Variants in CFAP54 observed in about 807,000 individuals in gnomAD.
CFAP54 encodes cilia and flagella associated protein 54.
A neutral mutation model predicts 370.4 loss-of-function variants in CFAP54; 290 were observed. The observed-to-expected ratio is 0.78, with a 90% confidence interval of 0.71 to 0.86. The LOEUF is 0.86. Among genes scored for constraint, CFAP54 ranks in the 40% least tolerant of loss-of-function variants. CFAP54 has a pLI of 0.00. For missense variants in CFAP54, 3,399 were observed against 3,528.7 expected, an observed-to-expected ratio of 0.96 and a Z score of 0.93; for synonymous variants, 1,206 against 1,236.5, an observed-to-expected ratio of 0.98 and a Z score of 0.52.
At position 96,684,598 on chromosome 12, in the gene CFAP54, AT is replaced by A. The variant is rs766724903; in HGVS notation, c.5717-49del. The A allele has an allele frequency of 1.5e-5, 22 of 1,487,850 alleles. No homozygotes were observed. The Admixed American group carries it at 2.4e-4, about 16-fold the overall frequency. The allele number at this position is 1,487,850 out of a possible 1,614,324, so 92.2% of individuals were successfully genotyped here. A position where few individuals can be genotyped will look rare whatever the true frequency, so the allele number is the denominator to read the frequency against. ...AAAAAATTCTTGCAAATATAAAAAA[AT>A]ATTTTTCTAGGAACTGACATTTGTT... On this transcript the variant is annotated intron_variant, in intron 40 of 67. Coordinates refer to ENST00000524981, the MANE Select transcript of CFAP54 (RefSeq NM_001306084.2).
At chr12:96,774,770 C>A (rs1380698171) in intron 60 of CFAP54, among the ~76,000 whole-genome samples, 1 of 152,068 alleles carries the variant, frequency 6.6e-6, no homozygotes, top group East Asian at 1.9e-4. Flanking sequence ...TAGTTCACAT[C>A]CCTTAGGGTG....
Position 96,651,719 on chromosome 12 carries a change from A to G in CFAP54, c.5004A>G (p.Gln1668=), listed in dbSNP as rs2136504067. Residue 1668 remains glutamine, a synonymous_variant, in exon 36 of 68, where the codon CAA becomes CAG. Transcript: ENST00000524981. The stretch of plus-strand genomic sequence containing the variant: ...TTGATAAAACATTTCCTATTAGCCA[A>G]GATGGTTTCCTCTGCACCTCTGTTT... ...VDLDKTFPIS[Q]DGFLCTSVLP... 1.2e-6 allele frequency: 2 copies of G among 1,614,020 alleles called. No homozygotes were observed. Among genetic ancestry groups the G allele is most frequent in the East Asian group, 2.2e-5 (1 of 44,874 alleles).
chr12:96,549,304 A>G (rs1955671333), intron 15 of CFAP54, among the ~76,000 whole-genome samples: 1 of 152,242 alleles, frequency 6.6e-6, no homozygotes, highest in Non-Finnish European at 1.5e-5. Flanking sequence ...TTTTCTGGCA[A>G]TTAAAACCAC....
chr12:96,775,195 C>T (rs1211299085), intron 60 of CFAP54, among the ~76,000 whole-genome samples: 3 of 151,998 alleles, frequency 2.0e-5, no homozygotes, highest in South Asian at 2.1e-4. Flanking sequence ...TTTGGGAAGC[C>T]GAGGTGGGCA....
At chr12:96,742,784 T>A (rs1388593197) in intron 52 of CFAP54, among the ~76,000 whole-genome samples, 198 bp downstream of exon 52, 1 of 152,190 alleles carries the variant, frequency 6.6e-6, no homozygotes, top group Non-Finnish European at 1.5e-5. Flanking sequence ...GGCTTATATC[T>A]TACTAATGTA....
chr12:96,717,373 AG>A (rs1374099252), intron 48 of CFAP54, among the ~76,000 whole-genome samples: 5 of 152,208 alleles, frequency 3.3e-5, no homozygotes, highest in Admixed American at 1.3e-4. Flanking sequence ...CTCATAATTT[AG>A]GAGACTAGCC....
At chr12:96,684,384 G>A (rs1957302282) in intron 40 of CFAP54, among the ~76,000 whole-genome samples, 2 of 152,010 alleles carry the variant, frequency 1.3e-5, no homozygotes, top group Non-Finnish European at 2.9e-5. Flanking sequence ...CTCTTCTCCT[G>A]TCTCTACCTG....
At chr12:96,722,897 A>G (rs930675035) in intron 50 of CFAP54, among the ~76,000 whole-genome samples, 3 of 152,166 alleles carry the variant, frequency 2.0e-5, no homozygotes, top group African/African-American at 7.2e-5. Flanking sequence ...ATTAACTGAA[A>G]TGGGGAGGTT....
At chr12:96,550,871 C>T (rs531030199) in intron 15 of CFAP54, among the ~76,000 whole-genome samples, 2 of 152,206 alleles carry the variant, frequency 1.3e-5, no homozygotes, top group East Asian at 3.9e-4. Context: ...CATCCAGGGA[C>T]AAGAGATGAG....
At chr12:96,670,148 T>A (rs1298550114) in intron 39 of CFAP54, among the ~76,000 whole-genome samples, 1 of 151,196 alleles carries the variant, frequency 6.6e-6, no homozygotes, top group Non-Finnish European at 1.5e-5. Context: ...TGTTATCTTC[T>A]AGGAGTGTAT....
At chr12:96,575,597 C>T (rs1013315093) in intron 19 of CFAP54, among the ~76,000 whole-genome samples, 3 of 152,062 alleles carry the variant, frequency 2.0e-5, no homozygotes, top group Non-Finnish European at 4.4e-5. Context: ...TACTCTGTTC[C>T]AAACACTAAG....
intron 67 of CFAP54, among the ~76,000 whole-genome samples, chr12:96,867,636 T>C (rs1184074725): frequency 1.3e-5 from 2 of 152,166 alleles, no homozygotes; most frequent in African/African-American, 2.4e-5. Context: ...GAGGACATTA[T>C]GCTAAGTTAA....
At chr12:96,545,547 C>T (rs1191509276) in intron 14 of CFAP54, among the ~76,000 whole-genome samples, 6 of 152,092 alleles carry the variant, frequency 3.9e-5, no homozygotes, top group Admixed American at 1.3e-4. Context: ...CTCATCAGTC[C>T]GTTAACCTGT....
intron 3 of CFAP54, among the ~76,000 whole-genome samples, chr12:96,505,966 T>A (rs773891315): frequency 1.3e-5 from 2 of 152,198 alleles, no homozygotes; most frequent in Non-Finnish European, 2.9e-5. Context: ...GAAACATTTG[T>A]TGAGTGAATT....
chr12:96,643,988 C>T (rs1309216130), intron 32 of CFAP54, among the ~76,000 whole-genome samples, 190 bp from the exon 33 acceptor site: 1 of 152,072 alleles, frequency 6.6e-6, no homozygotes, highest in Non-Finnish European at 1.5e-5. Flanking sequence ...TGGTGCTTAT[C>T]CCTGTGCCTT....
rs1259115900 is a variant in CFAP54, at chr12:96,679,714, G to C, written c.5678G>C (p.Ser1893Thr). 6.2e-7 allele frequency: 1 copy of C among 1,612,952 alleles called. No homozygotes were observed. The highest frequency in any genetic ancestry group is 1.7e-5 in the Admixed American group (1 of 59,886). ...SKYHNRSIRH[S>T]RKLLSLFLAQ... ...TACCATAACAGATCAATCCGACACA[G>C]CAGAAAGTTGCTTTCATTATTTCTT... Residue 1893 changes from serine (S) to threonine (T), a missense_variant, in exon 40 of 68, where the codon AGC becomes ACC. Coordinates refer to ENST00000524981, the MANE Select transcript of CFAP54 (RefSeq NM_001306084.2).
intron 50 of CFAP54, among the ~76,000 whole-genome samples, chr12:96,724,843 A>G (rs1349631114): frequency 2.0e-5 from 3 of 152,072 alleles, no homozygotes; most frequent in African/African-American, 7.2e-5. Flanking sequence ...ATCTTGAATT[A>G]ATTTTTGTAT....
At chr12:96,655,031 C>CAA (rs11413534) in intron 36 of CFAP54, among the ~76,000 whole-genome samples, 1 of 151,118 alleles carries the variant, frequency 6.6e-6, no homozygotes, top group Admixed American at 6.6e-5. Flanking sequence ...TGTGAATGGC[C>CAA]AAAAAAATTT....
chr12:96,846,994 C>T (rs979333319), intron 66 of CFAP54, among the ~76,000 whole-genome samples: 4 of 152,134 alleles, frequency 2.6e-5, no homozygotes, highest in African/African-American at 9.7e-5. Flanking sequence ...GTGAGACTTC[C>T]CTCACTTCAG....
Sources: gnomAD v4.1 joint callset for allele counts (sites outside exome capture counted in the v4.1 genomes callset) on GRCh38, gnomAD v4.1.1 for gene constraint, MANE v1.5 for transcripts, NCBI Gene and HGNC (gene_info 2026-07-23, HGNC 2026-07-21) for gene names.